Variants in EPG5 observed in about 807,000 individuals in gnomAD.
EPG5 encodes ectopic P-granules 5 autophagy tethering factor, also known as ectopic P granules protein 5 homolog.
Under a neutral mutation model 302.7 loss-of-function variants are expected in EPG5, and 159 were observed. The observed-to-expected ratio is 0.53, with a 90% CI of 0.46 to 0.60. The LOEUF (loss-of-function observed/expected upper bound fraction) is 0.60. EPG5 is among the 20% of genes least tolerant of loss of function. The probability of loss-of-function intolerance (pLI) is 0.00; values close to 1 mark genes in which losing one functional copy is unlikely to be tolerated. For missense variants in EPG5, 2,896 were observed against 3,092.4 expected (o/e 0.94, Z 1.51); for synonymous variants, 1,158 against 1,136.8 (o/e 1.02, Z -0.37).
intron 1 of EPG5, among the ~76,000 whole-genome samples, chr18:45,960,761 G>A (rs543960847): frequency 1.3e-5 from 2 of 152,074 alleles, no homozygotes; most frequent in African/African-American, 2.4e-5. Context: ...GTGAGAGTGT[G>A]TGTATGTGTA....
the EPG5 span, chr18:45,837,483 C>T: frequency 3.5e-6 from 5 of 1,448,212 alleles, no homozygotes; most frequent in Non-Finnish European, 4.5e-6. Flanking sequence ...CCCAGGGCCC[C>T]GAGCCTGACG....
chr18:45,832,871 C>T, the EPG5 span, among the ~76,000 whole-genome samples: 1 of 152,322 alleles, frequency 6.6e-6, no homozygotes, highest in South Asian at 2.1e-4. Context: ...CCCACCCTCA[C>T]CCTGAGTCCT....
the EPG5 span, among the ~76,000 whole-genome samples, chr18:45,817,122 G>A: frequency 9.9e-5 from 15 of 152,264 alleles, no homozygotes; most frequent in East Asian, 1.9e-4. Flanking sequence ...GGGGGAATGC[G>A]TGGGAAGTGG....
the EPG5 span, among the ~76,000 whole-genome samples, chr18:45,813,596 T>C: frequency 2.0e-5 from 3 of 152,262 alleles, no homozygotes; most frequent in East Asian, 5.8e-4. Flanking sequence ...ATAAAAAGGA[T>C]GAGTTCAGGT....
chr18:45,901,157 C>A lies in EPG5; in HGVS notation c.4485G>T (p.Arg1495Ser), dbSNP rs768286664. 6.2e-7 allele frequency: 1 copy of A among 1,613,954 alleles called. No homozygotes were observed. Among genetic ancestry groups the A allele is most frequent in the South Asian group, 1.1e-5 (1 of 91,058 alleles). ...CATGCTTCCGCAAGTTACTTAAAAC[C>A]CTTTCTTTAGCTGAAAGAAAATTAA... Reference protein sequence around the residue: ...DFTDPLLAKERVLSNLRKHEA... With the variant: ...DFTDPLLAKESVLSNLRKHEA... Residue 1495 changes from arginine (R) to serine (S), a missense_variant, in exon 26 of 44, where the codon AGG becomes AGT. Physicochemically the swap from Arg to Ser is moderately radical, Grantham distance 110 (BLOSUM62 -1). Around this residue, in one of 5 missense-constraint regions of EPG5, gnomAD observed 790 missense variants for 798.0 expected, o/e 0.99. Transcript: ENST00000282041.
At chr18:45,825,632 C>A in the EPG5 span, 1 of 1,389,038 alleles carries the variant, frequency 7.2e-7, no homozygotes, top group Non-Finnish European at 1.0e-6. Flanking sequence ...CCCTGCCCAC[C>A]CCCGCCCGCC....
At chr18:45,933,361 C>A (rs2050441372) in intron 11 of EPG5, among the ~76,000 whole-genome samples, 1 of 152,118 alleles carries the variant, frequency 6.6e-6, no homozygotes, top group Non-Finnish European at 1.5e-5. Context: ...AAAACAGAAA[C>A]AGAAGAATAA....
chr18:45,834,812 T>C, the EPG5 span, among the ~76,000 whole-genome samples: 2 of 152,176 alleles, frequency 1.3e-5, no homozygotes, highest in African/African-American at 2.4e-5. Flanking sequence ...CCTGGCTCTG[T>C]GATGCCTGCA....
chr18:45,813,201 C>G, the EPG5 span, among the ~76,000 whole-genome samples: 1 of 152,154 alleles, frequency 6.6e-6, no homozygotes, highest in Non-Finnish European at 1.5e-5. Flanking sequence ...AAATGCAAAT[C>G]AAAACCACAA....
At chr18:45,884,248 A>G (rs2049168524) in intron 30 of EPG5, among the ~76,000 whole-genome samples, 2 of 152,122 alleles carry the variant, frequency 1.3e-5, no homozygotes, top group South Asian at 4.1e-4. Flanking sequence ...TGCGAACCCT[A>G]TTGTGACCTG....
At chr18:45,852,739 T>C in intron 43 of EPG5, 90 bp from the exon 44 acceptor site, 2 of 1,137,962 alleles carry the variant, frequency 1.8e-6, no homozygotes, top group Non-Finnish European at 2.5e-6. Flanking sequence ...CACTGTGTAC[T>C]TCAACTGTGA....
At chr18:45,918,157 C>T (rs1360092964) in intron 16 of EPG5, among the ~76,000 whole-genome samples, 1 of 152,172 alleles carries the variant, frequency 6.6e-6, no homozygotes, top group Non-Finnish European at 1.5e-5. Context: ...AAAAGAGCTT[C>T]TCCTAAGAGC....
chr18:45,961,159 G>T (rs572236904), intron 1 of EPG5, among the ~76,000 whole-genome samples: 3 of 152,226 alleles, frequency 2.0e-5, no homozygotes, highest in Non-Finnish European at 4.4e-5. Flanking sequence ...ATCACCTCTT[G>T]CCTGGGTGAC....
At chr18:45,842,624 T>C (rs563763204), downstream of EPG5, 5 of 169,768 alleles carry the variant, frequency 2.9e-5, no homozygotes, top group East Asian at 7.8e-4. Context: ...TGGGACACTC[T>C]CTTCACTTCT....
chr18:45,828,562 T>C, the EPG5 span, among the ~76,000 whole-genome samples: 1 of 152,176 alleles, frequency 6.6e-6, no homozygotes. Context: ...ACAACCACTG[T>C]CATCTTCAGA....
intron 1 of EPG5, among the ~76,000 whole-genome samples, chr18:45,956,123 T>C (rs1285515941): frequency 1.3e-5 from 2 of 152,206 alleles, no homozygotes; most frequent in African/African-American, 4.8e-5. Context: ...AGATAATGCC[T>C]TAACCAAATG....
At chr18:45,881,346 A>AT (rs1271454387) in intron 31 of EPG5, among the ~76,000 whole-genome samples, 4 of 152,222 alleles carry the variant, frequency 2.6e-5, no homozygotes, top group Non-Finnish European at 4.4e-5. Flanking sequence ...ATTCATTGGC[A>AT]TTTGTACAAA....
intron 1 of EPG5, among the ~76,000 whole-genome samples, chr18:45,964,191 T>C (rs1446970332): frequency 1.3e-5 from 2 of 152,224 alleles, no homozygotes; most frequent in Non-Finnish European, 2.9e-5. Flanking sequence ...AATTTAGAAA[T>C]TGTTTTAAAC....
At chr18:45,907,343 G>GTT (rs1228804189) in intron 24 of EPG5, 1 of 152,188 alleles carries the variant, frequency 6.6e-6, no homozygotes, top group East Asian at 1.9e-4. Context: ...CTTTTTCCCT[G>GTT]TCCCCAAGAT....
Sources: gnomAD v4.1 joint callset for allele counts (sites outside exome capture counted in the v4.1 genomes callset) on GRCh38, gnomAD v4.1.1 for gene constraint, gnomAD v4.1.1 regional missense constraint, MANE v1.5 for transcripts, NCBI Gene and HGNC (gene_info 2026-07-23, HGNC 2026-07-21) for gene names.